ADGRF3: variants seen among roughly 807,000 people sequenced by gnomAD.
The protein encoded by ADGRF3 is G protein-coupled receptor 113.
ADGRF3 carries 85 observed loss-of-function variants against 93.2 expected under a neutral mutation model. The ratio of observed to expected loss-of-function variants is 0.91; its 90% CI spans 0.77 to 1.09. The LOEUF (loss-of-function observed/expected upper bound fraction) is 1.09. Ranked by LOEUF, ADGRF3 falls within the 50% of genes least tolerant of loss-of-function variation. The probability of loss-of-function intolerance (pLI) is 0.00; values close to 1 mark genes in which losing one functional copy is unlikely to be tolerated. For synonymous variants in ADGRF3, 534 were observed against 532.5 expected (o/e 1.00, Z -0.04); for missense variants, 1,125 against 1,246.2 (o/e 0.90, Z 1.46).
At chr2:26,314,321 C>T in intron 6 of ADGRF3, 93 bp downstream of exon 6, 2 of 1,194,422 alleles carry the variant, frequency 1.7e-6, no homozygotes, top group Non-Finnish European at 2.4e-6. Flanking sequence ...TGAACTGTGG[C>T]CTCTGTTTCT....
At position 26,311,955 on chromosome 2, in the gene ADGRF3, T is replaced by C; in HGVS notation, c.1569A>G (p.Ala523=). 2 of 1,613,720 alleles carry C rather than the reference T, an allele frequency of 1.2e-6. No homozygotes were observed. Residue 523 remains alanine (A), a synonymous_variant, in exon 10 of 14, where the codon GCA becomes GCG. Coordinates refer to ENST00000651242, the MANE Select transcript of ADGRF3 (RefSeq NM_001321971.2). The part of the protein sequence containing the change: ...STLLLAVETL[A]CSLCPQDHPF... ...GGTGGTCCTGTGGGCACAGGCTGCA[T>C]GCCAGGGTCTCCACAGCCAGCAGGA...
At chr2:26,337,789 G>A (rs972619096) in intron 1 of ADGRF3, among the ~76,000 whole-genome samples, 2 of 152,038 alleles carry the variant, frequency 1.3e-5, no homozygotes, top group African/African-American at 2.4e-5. Context: ...TTGGGAGGCC[G>A]AGGCAGGCGG....
intron 1 of ADGRF3, chr2:26,317,998 A>G (rs1037541292): frequency 3.3e-6 from 5 of 1,532,592 alleles, no homozygotes; most frequent in Admixed American, 3.9e-5. Flanking sequence ...GTTCCTGTAC[A>G]TTATTTCCTC....
chr2:26,315,118 T>C (rs1674537556), intron 5 of ADGRF3, among the ~76,000 whole-genome samples: 1 of 152,232 alleles, frequency 6.6e-6, no homozygotes, highest in Non-Finnish European at 1.5e-5. Context: ...TGCATTTGCA[T>C]TCAATCTCGT....
rs531971688 is a variant in ADGRF3, at chr2:26,311,475, G to A, written c.2049C>T (p.His683=). The A allele has an allele frequency of 1.9e-6, 3 of 1,614,062 alleles. No homozygotes were observed. Among genetic ancestry groups the A allele is most frequent in the East Asian group, 4.5e-5 (2 of 44,876 alleles). Residue 683 remains histidine, a synonymous_variant, in exon 10 of 14, where the codon CAC becomes CAT. Coordinates refer to ENST00000651242, the MANE Select transcript of ADGRF3 (RefSeq NM_001321971.2). ...ASPTAQCLCQ[H]LTAFSVLMSP... The stretch of plus-strand genomic sequence containing the variant: ...ACATGAGGACGGAGAAGGCAGTGAG[G>A]TGCTGGCAGAGGCACTGAGCAGTGG...
Position 26,310,228 on chromosome 2 carries a change from T to C in ADGRF3, c.2842A>G (p.Ile948Val), listed in dbSNP as rs768288823. The C allele has an allele frequency of 6.2e-7, 1 of 1,613,962 alleles. No homozygotes were observed. The highest frequency in any genetic ancestry group is 2.2e-5 in the East Asian group (1 of 44,878). The stretch of plus-strand genomic sequence containing the variant: ...TCCATGAGGCAACCAAACAATAGGA[T>C]GAAGACGCCCTGAGAAGAGGGACAT... The part of the protein sequence containing the change: ...TILNTLQGVF[I>V]LLFGCLMDRK... Residue 948 changes from isoleucine (I) to valine (V), a missense_variant, in exon 11 of 14, where the codon ATC (isoleucine) becomes GTC (valine). Ile to Val is a conservative substitution (Grantham distance 29, BLOSUM62 3). Coordinates refer to ENST00000651242, the MANE Select transcript of ADGRF3 (RefSeq NM_001321971.2).
chr2:26,319,145 A>T (rs1054200891), intron 1 of ADGRF3: 2 of 1,281,656 alleles, frequency 1.6e-6, no homozygotes, highest in African/African-American at 3.0e-5. Flanking sequence ...GGAAGAGGGG[A>T]GGGAGCCAGG....
intron 1 of ADGRF3, among the ~76,000 whole-genome samples, chr2:26,332,222 T>C (rs781207751): frequency 2.4e-4 from 37 of 152,320 alleles, no homozygotes; most frequent in South Asian, 4.1e-4. Context: ...ACAGACATTT[T>C]AGACACTGGG....
Position 26,309,143 on chromosome 2 carries a change from A to G in ADGRF3, c.2994-36T>C, listed in dbSNP as rs759730601. 13 of 1,613,868 alleles carry G rather than the reference A, an allele frequency of 8.1e-6. No individual in the cohort carries two copies. In the African/African-American group the frequency reaches 1.5e-4, roughly 18 times the overall value. On this transcript the variant is annotated intron_variant, in intron 13 of 13. Transcript: ENST00000651242. The stretch of plus-strand genomic sequence containing the variant: ...GCTTGCGGCTGGTGAGTGGATACTG[A>G]GCCCAACTTCTGCAGGCTGCCCTCC...
At chr2:26,314,273 G>T in intron 6 of ADGRF3, 141 bp downstream of exon 6, 1 of 796,124 alleles carries the variant, frequency 1.3e-6, no homozygotes. Context: ...CTCTGATGGG[G>T]TAGAAAACAG....
At chr2:26,310,312 T>C in intron 10 of ADGRF3, 75 bp from the exon 11 acceptor site, 2 of 1,522,840 alleles carry the variant, frequency 1.3e-6, no homozygotes, top group Non-Finnish European at 1.8e-6. Flanking sequence ...CCTTCTGTCC[T>C]GTGTAATTCA....
intron 4 of ADGRF3, 45 bp downstream of exon 4, chr2:26,316,230 A>C (rs2147881427): frequency 6.6e-7 from 1 of 1,518,472 alleles, no homozygotes; most frequent in African/African-American, 1.4e-5. Flanking sequence ...GAGAACATTT[A>C]TTTCACTTAA....
At chr2:26,337,972 G>A (rs1043317589) in intron 1 of ADGRF3, among the ~76,000 whole-genome samples, 1 of 152,092 alleles carries the variant, frequency 6.6e-6, no homozygotes, top group East Asian at 1.9e-4. Context: ...GCAGTGAGCC[G>A]AGATCGTGCC....
intron 1 of ADGRF3, among the ~76,000 whole-genome samples, chr2:26,330,638 CAG>C (rs1675713062): frequency 6.6e-6 from 1 of 151,966 alleles, no homozygotes; most frequent in Non-Finnish European, 1.5e-5. Flanking sequence ...TGTGAAAGAA[CAG>C]AGAAAAAAGA....
intron 1 of ADGRF3, among the ~76,000 whole-genome samples, chr2:26,327,865 A>AT (rs1258317140): frequency 2.6e-5 from 4 of 152,054 alleles, no homozygotes; most frequent in African/African-American, 9.7e-5. Flanking sequence ...ACTCTGTGGT[A>AT]TTCTGTTATT....
chr2:26,319,139 GA>G, intron 1 of ADGRF3: 1 of 1,338,274 alleles, frequency 7.5e-7, no homozygotes, highest in Admixed American at 2.3e-5. Flanking sequence ...TGGGAGGGAA[GA>G]GGGGAGGGAG....
intron 1 of ADGRF3, among the ~76,000 whole-genome samples, chr2:26,337,439 C>T (rs1005310548): frequency 2.6e-5 from 4 of 152,206 alleles, no homozygotes; most frequent in Non-Finnish European, 5.9e-5. Context: ...ATGATTACCA[C>T]AGTCAAGCTA....
intron 1 of ADGRF3, among the ~76,000 whole-genome samples, chr2:26,325,193 C>T (rs976136565): frequency 5.9e-5 from 9 of 152,182 alleles, no homozygotes; most frequent in African/African-American, 2.2e-4. Context: ...AGCTGCAGCA[C>T]AATTCCAGTA....
chr2:26,314,641 C>CA lies in ADGRF3; in HGVS notation c.719-19_719-18insT. Reference sequence around the variant, plus strand: ...GTACTCACCTGCAGAAACGTGTGTGCGGCGCTATGTGGCTCCTCTGGGCCC... The same window carrying CA: ...GTACTCACCTGCAGAAACGTGTGTGCAGGCGCTATGTGGCTCCTCTGGGCCC... On this transcript the variant is annotated intron_variant, in intron 5 of 13. Coordinates refer to ENST00000651242, the MANE Select transcript of ADGRF3 (RefSeq NM_001321971.2). 2 of 1,603,540 alleles carry CA rather than the reference C, an allele frequency of 1.2e-6. No individual in the cohort carries two copies. The highest frequency in any genetic ancestry group is 1.7e-6 in the Non-Finnish European group (2 of 1,171,466).
Sources: gnomAD v4.1 joint callset for allele counts (sites outside exome capture counted in the v4.1 genomes callset) on GRCh38, gnomAD v4.1.1 for gene constraint, MANE v1.5 for transcripts, NCBI Gene and HGNC (gene_info 2026-07-23, HGNC 2026-07-21) for gene names.